The following FBXO34 variants were observed in gnomAD, a reference collection of about 807,000 sequenced individuals.
The protein encoded by FBXO34 is F-box protein 34.
FBXO34 carries 12 observed loss-of-function variants against 24.5 expected under a neutral mutation model. That is an observed-to-expected ratio of 0.49 (90% CI 0.31 to 0.79). The LOEUF is 0.79. Among genes scored for constraint, FBXO34 ranks in the 30% least tolerant of loss-of-function variants. The pLI, the probability that FBXO34 is intolerant of heterozygous loss-of-function variation, is 0.04. For synonymous variants in FBXO34, 320 were observed against 311.9 expected (o/e 1.03, Z -0.27); for missense variants, 823 against 857.7 (o/e 0.96, Z 0.51).
the FBXO34 span, chr14:55,429,011 C>A: frequency 6.2e-7 from 1 of 1,608,224 alleles, no homozygotes; most frequent in Non-Finnish European, 8.5e-7. Flanking sequence ...ATGTCTTAAT[C>A]GCTACATCCT....
chr14:55,280,906 T>C (rs1207505560), intron 1 of FBXO34, among the ~76,000 whole-genome samples: 4 of 152,120 alleles, frequency 2.6e-5, no homozygotes, highest in Non-Finnish European at 4.4e-5. Context: ...TACTGAGGGA[T>C]GACTATAATA....
At chr14:55,395,985 G>C in the FBXO34 span, 1 of 1,580,214 alleles carries the variant, frequency 6.3e-7, no homozygotes, top group Admixed American at 1.8e-5. Flanking sequence ...TTAACACTCT[G>C]TGAGGAAAAG....
chr14:55,318,568 T>G (rs1332818190), intron 1 of FBXO34, among the ~76,000 whole-genome samples: 8 of 151,066 alleles, frequency 5.3e-5, no homozygotes, highest in Admixed American at 5.3e-4. Flanking sequence ...CTTGCTATGT[T>G]ACCCAGGGCT....
chr14:55,377,775 G>C, the FBXO34 span: 5 of 1,401,406 alleles, frequency 3.6e-6, no homozygotes, highest in Non-Finnish European at 4.9e-6. Context: ...CCTCTAACAG[G>C]ATTCACAAAA....
At chr14:55,391,471 T>TAAAAAAAAAAA in the FBXO34 span, among the ~76,000 whole-genome samples, 17 of 75,672 alleles carry the variant, frequency 2.2e-4, no homozygotes, top group Non-Finnish European at 3.9e-4. Flanking sequence ...TGAGACTCCA[T>TAAAAAAAAAAA]AAAAAAAAAA....
chr14:55,369,729 G>C, downstream of FBXO34: 1 of 1,613,496 alleles, frequency 6.2e-7, no homozygotes, highest in Non-Finnish European at 8.5e-7. Flanking sequence ...TGGGTGCTCT[G>C]ACTCTGGGAG....
At chr14:55,393,177 TGA>T in the FBXO34 span, among the ~76,000 whole-genome samples, 16 of 152,064 alleles carry the variant, frequency 1.1e-4, no homozygotes, top group Admixed American at 9.8e-4. Context: ...GTCAGGAGAT[TGA>T]GACCATCCTG....
downstream of FBXO34, chr14:55,369,536 A>AACTT (rs1594774266): frequency 4.7e-6 from 6 of 1,276,214 alleles, no homozygotes; most frequent in Middle Eastern, 2.9e-4. Context: ...ACACTATCTT[A>AACTT]ACTTAAACAG....
At chr14:55,344,576 G>C (rs1228579451) in intron 1 of FBXO34, among the ~76,000 whole-genome samples, 1 of 150,256 alleles carries the variant, frequency 6.7e-6, no homozygotes, top group Admixed American at 6.6e-5. Context: ...TTTAAGTTCT[G>C]GGATACATGT....
At chr14:55,340,292 T>C (rs1208188862) in intron 1 of FBXO34, among the ~76,000 whole-genome samples, 1 of 152,152 alleles carries the variant, frequency 6.6e-6, no homozygotes, top group Non-Finnish European at 1.5e-5. Context: ...TCGCCCTAGC[T>C]GGAGTGCAGT....
chr14:55,287,325 A>G (rs191452267), intron 1 of FBXO34, among the ~76,000 whole-genome samples: 1 of 152,330 alleles, frequency 6.6e-6, no homozygotes, highest in East Asian at 1.9e-4. Context: ...AATCTTAGTC[A>G]CTCATGTGCA....
rs1027151440 is a variant in FBXO34, at chr14:55,298,772, G to C, written c.-11+27235G>C. The C allele has an allele frequency of 1.9e-4, 298 of 1,585,744 alleles. 1 individual carries two copies. In the Middle Eastern group the frequency reaches 2.5e-3, roughly 13 times the overall value. On this transcript the variant is annotated intron_variant, in intron 1 of 1. Transcript: ENST00000313833. ...AGTTCCTGGAGAAGAAAATCGAGCA[G>C]AGGCACGGCACCAAAAACAAGCCCG...
At chr14:55,409,330 C>CT in the FBXO34 span, among the ~76,000 whole-genome samples, 1 of 152,090 alleles carries the variant, frequency 6.6e-6, no homozygotes, top group African/African-American at 2.4e-5. Context: ...TTCCATAAAT[C>CT]TTTATTGAGT....
At chr14:55,292,305 A>G (rs537033167) in intron 1 of FBXO34, among the ~76,000 whole-genome samples, 141 of 152,314 alleles carry the variant, frequency 9.3e-4, no homozygotes, top group African/African-American at 3.2e-3. Context: ...GACTTAAGGA[A>G]AAACTTCATA....
chr14:55,372,457 C>T (rs964365829), downstream of FBXO34, among the ~76,000 whole-genome samples: 3 of 152,188 alleles, frequency 2.0e-5, no homozygotes, highest in African/African-American at 7.2e-5. Context: ...GACCTCAGAA[C>T]TGACTGCCAG....
intron 1 of FBXO34, among the ~76,000 whole-genome samples, chr14:55,292,860 T>C (rs748846264): frequency 3.9e-5 from 6 of 152,124 alleles, no homozygotes; most frequent in Non-Finnish European, 8.8e-5. Flanking sequence ...ACTTTTAAAA[T>C]GTCAGTTCTT....
chr14:55,440,450 G>A, the FBXO34 span: 2 of 1,613,036 alleles, frequency 1.2e-6, no homozygotes, highest in Admixed American at 1.7e-5. Flanking sequence ...CCTGCTCCAT[G>A]GACCGTAATC....
At chr14:55,440,794 A>G in the FBXO34 span, among the ~76,000 whole-genome samples, 4 of 152,220 alleles carry the variant, frequency 2.6e-5, no homozygotes, top group Non-Finnish European at 5.9e-5. Flanking sequence ...GATACTCGCA[A>G]TGTGGTCTTT....
intron 1 of FBXO34, among the ~76,000 whole-genome samples, chr14:55,335,644 A>G (rs1367961905): frequency 6.6e-6 from 1 of 152,214 alleles, no homozygotes; most frequent in Admixed American, 6.5e-5. Flanking sequence ...TCCTCTATAA[A>G]GCACATTTTA....
Sources: allele counts gnomAD v4.1 joint callset (sites outside exome capture counted in the v4.1 genomes callset), GRCh38; gene constraint gnomAD v4.1.1; transcripts MANE v1.5; gene names NCBI Gene and HGNC (gene_info 2026-07-23, HGNC 2026-07-21).